The following CPNE4 variants were observed in gnomAD, a reference collection of about 807,000 sequenced individuals.
The protein encoded by CPNE4 is copine-4.
A neutral mutation model predicts 67.9 loss-of-function variants in CPNE4; 25 were observed. The ratio of observed to expected loss-of-function variants is 0.37; its 90% CI spans 0.27 to 0.51. The LOEUF (loss-of-function observed/expected upper bound fraction) is 0.51. Among genes scored for constraint, CPNE4 ranks in the 20% least tolerant of loss-of-function variants. CPNE4 has a pLI of 0.93. For missense variants in CPNE4, 464 were observed against 690.8 expected (o/e 0.67, Z 3.68); for synonymous variants, 242 against 244.9 (o/e 0.99, Z 0.11).
intron 7 of CPNE4, among the ~76,000 whole-genome samples, chr3:131,642,036 A>G (rs1267915804): frequency 6.6e-6 from 1 of 152,124 alleles, no homozygotes; most frequent in Non-Finnish European, 1.5e-5. Flanking sequence ...GGAATAAAAG[A>G]CTACACATTG....
intron 1 of CPNE4, among the ~76,000 whole-genome samples, chr3:131,951,872 G>A (rs1371256439): frequency 6.6e-6 from 1 of 151,416 alleles, no homozygotes; most frequent in African/African-American, 2.4e-5. Flanking sequence ...GTGGTCAATG[G>A]TGCCCAGGCT....
intron 1 of CPNE4, among the ~76,000 whole-genome samples, chr3:131,956,029 G>C (rs1178609821): frequency 1.3e-5 from 2 of 152,078 alleles, no homozygotes; most frequent in Non-Finnish European, 2.9e-5. Flanking sequence ...TAGATAGATA[G>C]ATATTGATAC....
At chr3:131,625,287 T>G (rs1385654699) in intron 7 of CPNE4, among the ~76,000 whole-genome samples, 2 of 152,204 alleles carry the variant, frequency 1.3e-5, no homozygotes, top group Admixed American at 1.3e-4. Flanking sequence ...CCATTCTCTC[T>G]AAACAAACAT....
chr3:131,693,610 G>T (rs6799202), intron 5 of CPNE4, among the ~76,000 whole-genome samples: 116,072 of 151,954 alleles, frequency 0.76, 45,608 homozygotes, highest in Middle Eastern at 0.89. Flanking sequence ...ATGTGTGAGA[G>T]AATGAGAGTG....
At chr3:131,615,121 C>T (rs1261626824) in intron 7 of CPNE4, among the ~76,000 whole-genome samples, 1 of 152,178 alleles carries the variant, frequency 6.6e-6, no homozygotes, top group Non-Finnish European at 1.5e-5. Flanking sequence ...TGAACAATCT[C>T]AGATGACGAT....
chr3:131,942,857 C>G (rs373799016), intron 1 of CPNE4, among the ~76,000 whole-genome samples: 4 of 152,202 alleles, frequency 2.6e-5, no homozygotes, highest in East Asian at 1.9e-4. Context: ...CCTAAGCAGA[C>G]AGTGCAAAAA....
chr3:131,589,404 G>C (rs909936256), intron 7 of CPNE4, among the ~76,000 whole-genome samples: 2 of 152,170 alleles, frequency 1.3e-5, no homozygotes, highest in East Asian at 3.9e-4. Context: ...AGAAGACTCG[G>C]CAGGCAAGCA....
intron 9 of CPNE4, 125 bp from the exon 10 acceptor site, chr3:131,575,255 G>A: frequency 2.7e-6 from 2 of 737,256 alleles, no homozygotes; most frequent in South Asian, 3.4e-5. Flanking sequence ...AGACATCATT[G>A]AAAAAAGATG....
chr3:131,913,228 GA>G (rs779036511), intron 1 of CPNE4, among the ~76,000 whole-genome samples: 2 of 152,160 alleles, frequency 1.3e-5, no homozygotes, highest in Non-Finnish European at 2.9e-5. Flanking sequence ...CAGTGCCAGG[GA>G]AAGGCAGTCT....
intron 1 of CPNE4, among the ~76,000 whole-genome samples, chr3:131,935,787 G>A (rs1415352469): frequency 6.6e-6 from 1 of 152,008 alleles, no homozygotes; most frequent in East Asian, 1.9e-4. Context: ...CAAGCTGGAA[G>A]ACAAAATATT....
chr3:131,622,440 T>TGAAA (rs1218245917), intron 7 of CPNE4, among the ~76,000 whole-genome samples: 2 of 152,202 alleles, frequency 1.3e-5, no homozygotes, highest in Non-Finnish European at 2.9e-5. Context: ...GTGAATCCTA[T>TGAAA]CCTAAAGTGT....
chr3:131,736,849 CA>C (rs2082245902), intron 2 of CPNE4, among the ~76,000 whole-genome samples: 2 of 152,088 alleles, frequency 1.3e-5, no homozygotes, highest in African/African-American at 4.8e-5. Flanking sequence ...CAAAGCTCTC[CA>C]ATTGCAGACT....
At chr3:131,750,115 A>G (rs946838505) in intron 2 of CPNE4, among the ~76,000 whole-genome samples, 10 of 152,150 alleles carry the variant, frequency 6.6e-5, no homozygotes, top group Admixed American at 6.6e-4. Flanking sequence ...TTCTCTCCCA[A>G]AAGTCCCATC....
intron 2 of CPNE4, among the ~76,000 whole-genome samples, chr3:131,774,311 A>G (rs1387546477): frequency 1.3e-5 from 2 of 150,904 alleles, no homozygotes; most frequent in Non-Finnish European, 2.9e-5. Flanking sequence ...ATTCTGCAAT[A>G]TATTTTCTAC....
chr3:131,776,729 C>T lies in CPNE4; in HGVS notation c.181-53104G>A, dbSNP rs150749114. ...CAAACCATCAAAAATGGGGCTGCCT[C>T]GCCTAATACAAAACATTTATTGCAT... On this transcript the variant is annotated intron_variant, in intron 2 of 15. Coordinates refer to ENST00000429747, the MANE Select transcript of CPNE4 (RefSeq NM_130808.3). 4.3e-3 allele frequency among the ~76,000 whole-genome samples: 660 copies of T among 152,210 alleles called. 24 individuals are homozygous for T. Among genetic ancestry groups the T allele is most frequent in the Admixed American group, 0.039 (594 of 15,260 alleles).
chr3:131,645,049 C>A (rs1200984716), intron 7 of CPNE4, among the ~76,000 whole-genome samples: 8 of 152,144 alleles, frequency 5.3e-5, no homozygotes, highest in Non-Finnish European at 1.2e-4. Flanking sequence ...CCATTGTTGC[C>A]TAGAAGTGAA....
At chr3:131,877,805 G>C (rs6797925) in intron 2 of CPNE4, among the ~76,000 whole-genome samples, 96,368 of 151,994 alleles carry the variant, frequency 0.63, 30,782 homozygotes, top group Admixed American at 0.72. Context: ...CATGCAACTG[G>C]TCTTTAAATG....
At chr3:131,609,512 A>G (rs1306262301) in intron 7 of CPNE4, among the ~76,000 whole-genome samples, 1 of 152,218 alleles carries the variant, frequency 6.6e-6, no homozygotes, top group Non-Finnish European at 1.5e-5. Context: ...TGATAAAGAC[A>G]CAGGTGTTTA....
intron 1 of CPNE4, among the ~76,000 whole-genome samples, chr3:131,935,127 G>A (rs1461311251): frequency 1.3e-5 from 2 of 152,158 alleles, no homozygotes; most frequent in Non-Finnish European, 2.9e-5. Context: ...AATTGACAAT[G>A]ATACCATCCT....
Sources: gnomAD v4.1 joint callset for allele counts (sites outside exome capture counted in the v4.1 genomes callset) on GRCh38, gnomAD v4.1.1 for gene constraint, MANE v1.5 for transcripts, NCBI Gene and HGNC (gene_info 2026-07-23, HGNC 2026-07-21) for gene names.